The following MAPK10 variants were observed in gnomAD, a reference collection of about 807,000 sequenced individuals.
MAPK10 encodes mitogen-activated protein kinase 10.
A neutral mutation model predicts 59.3 loss-of-function variants in MAPK10; 25 were observed. The observed-to-expected ratio is 0.42, with a 90% CI of 0.31 to 0.59. MAPK10 has a LOEUF of 0.59. MAPK10 is among the 20% of genes least tolerant of loss of function. MAPK10 has a pLI of 0.15. For missense variants in MAPK10, 351 were observed against 568.9 expected, an observed-to-expected ratio of 0.62 and a Z score of 3.90; for synonymous variants, 190 against 200.5, an observed-to-expected ratio of 0.95 and a Z score of 0.44.
intron 1 of MAPK10, among the ~76,000 whole-genome samples, chr4:86,491,151 G>A (rs987449596): frequency 5.9e-5 from 9 of 152,042 alleles, no homozygotes; most frequent in Non-Finnish European, 5.9e-5. Flanking sequence ...AAGTATGGCA[G>A]TCAGAGTAGC....
In MAPK10 at chr4:86,159,427, T is replaced by A; in HGVS notation, c.107A>T (p.His36Leu). The A allele has an allele frequency of 6.2e-7, 1 of 1,612,388 alleles. No homozygotes were observed. Among genetic ancestry groups the A allele is most frequent in the Non-Finnish European group, 8.5e-7 (1 of 1,178,902 alleles). ...AACTTTGCTTTTGCTCATGTTGTAA[T>A]GTTTGGCAATATATGACACATCCAC... ...KQVDVSYIAK[H>L]YNMSKSKVDN... Residue 36 changes from histidine (H) to leucine (L), a missense_variant, in exon 4 of 14, where the codon CAT (histidine) becomes CTT (leucine). By Grantham distance (99) the His-to-Leu change is moderately conservative. Around this residue, in one of 5 missense-constraint regions of MAPK10, gnomAD observed 61 missense variants for 58.4 expected, o/e 1.05. Coordinates refer to ENST00000641462, the MANE Select transcript of MAPK10 (RefSeq NM_138982.4).
chr4:86,189,117 A>T (rs1464311897), intron 3 of MAPK10, among the ~76,000 whole-genome samples: 1 of 152,144 alleles, frequency 6.6e-6, no homozygotes, highest in Non-Finnish European at 1.5e-5. Context: ...TTGTTTTGGT[A>T]CCAGCACCAT....
At chr4:86,185,389 T>A (rs1380114514) in intron 3 of MAPK10, among the ~76,000 whole-genome samples, 2 of 152,004 alleles carry the variant, frequency 1.3e-5, no homozygotes, top group Admixed American at 6.6e-5. Flanking sequence ...GGTTAAGGAG[T>A]GGCCCAAGTG....
chr4:86,524,510 T>A (rs982774831), intron 1 of MAPK10, among the ~76,000 whole-genome samples: 1 of 152,322 alleles, frequency 6.6e-6, no homozygotes, highest in Admixed American at 6.5e-5. Flanking sequence ...CACAATAATT[T>A]CAGTAGTCTC....
At chr4:86,054,366 G>A (rs1011451709) in intron 11 of MAPK10, among the ~76,000 whole-genome samples, 2 of 152,034 alleles carry the variant, frequency 1.3e-5, no homozygotes, top group Non-Finnish European at 2.9e-5. Flanking sequence ...ATAATACATG[G>A]CATCAAAACA....
intron 2 of MAPK10, among the ~76,000 whole-genome samples, chr4:86,242,020 G>C (rs570403126): frequency 2.2e-4 from 34 of 151,846 alleles, no homozygotes; most frequent in Admixed American, 3.9e-4. Flanking sequence ...TTTTTGTGGG[G>C]GTCTTTTTTG....
intron 2 of MAPK10, among the ~76,000 whole-genome samples, chr4:86,249,668 G>A (rs1024066940): frequency 6.6e-6 from 1 of 152,136 alleles, no homozygotes; most frequent in African/African-American, 2.4e-5. Flanking sequence ...CAGTACATGG[G>A]ATATAGTTTT....
intron 1 of MAPK10, among the ~76,000 whole-genome samples, chr4:86,523,859 A>G (rs1440950144): frequency 2.6e-5 from 4 of 152,164 alleles, no homozygotes; most frequent in Non-Finnish European, 5.9e-5. Flanking sequence ...TTCTTTCTCT[A>G]TCTACGCTTG....
At chr4:86,050,276 C>T (rs992390159) in intron 11 of MAPK10, among the ~76,000 whole-genome samples, 3 of 152,168 alleles carry the variant, frequency 2.0e-5, no homozygotes, top group Non-Finnish European at 4.4e-5. Context: ...ATCTTACTTA[C>T]TTACATATTA....
intron 4 of MAPK10, among the ~76,000 whole-genome samples, chr4:86,133,371 TTGTAA>T (rs774348533): frequency 2.8e-4 from 42 of 152,382 alleles, no homozygotes; most frequent in Non-Finnish European, 4.7e-4. Context: ...TTGTGATTTG[TTGTAA>T]TGTATTTATT....
At chr4:86,410,210 T>C (rs1184074004) in intron 1 of MAPK10, among the ~76,000 whole-genome samples, 1 of 152,228 alleles carries the variant, frequency 6.6e-6, no homozygotes, top group Non-Finnish European at 1.5e-5. Flanking sequence ...TGTTTAGTGA[T>C]TTGCATTTGT....
intron 3 of MAPK10, among the ~76,000 whole-genome samples, chr4:86,161,247 T>G (rs1377765262): frequency 6.6e-6 from 1 of 152,066 alleles, no homozygotes; most frequent in Non-Finnish European, 1.5e-5. Context: ...ATAAAAGTTC[T>G]GAAATCAAGA....
chr4:86,079,048 G>A (rs1036766198), intron 9 of MAPK10, among the ~76,000 whole-genome samples: 3 of 151,948 alleles, frequency 2.0e-5, no homozygotes, highest in Non-Finnish European at 4.4e-5. Context: ...ATTTGAAAAT[G>A]TTCTTTTCCT....
At chr4:86,381,509 T>C (rs2149001455) in intron 1 of MAPK10, among the ~76,000 whole-genome samples, 1 of 152,298 alleles carries the variant, frequency 6.6e-6, no homozygotes, top group East Asian at 1.9e-4. Context: ...GACACTCATG[T>C]TAGCTGTCTC....
At chr4:86,388,649 CA>C (rs1253376746) in intron 1 of MAPK10, among the ~76,000 whole-genome samples, 2 of 152,258 alleles carry the variant, frequency 1.3e-5, no homozygotes, top group Admixed American at 1.3e-4. Flanking sequence ...TATTGTATAA[CA>C]AGTTAATTCA....
At chr4:86,209,224 C>G (rs2085091426) in intron 2 of MAPK10, among the ~76,000 whole-genome samples, 1 of 152,132 alleles carries the variant, frequency 6.6e-6, no homozygotes, top group South Asian at 2.1e-4. Flanking sequence ...AGTGAATAAA[C>G]TGAATCTAAA....
At chr4:86,046,450 A>G (rs1023730064) in intron 11 of MAPK10, among the ~76,000 whole-genome samples, 4 of 150,842 alleles carry the variant, frequency 2.7e-5, no homozygotes, top group Non-Finnish European at 4.4e-5. Flanking sequence ...TTTGTCATAA[A>G]TAGCTGTTAT....
chr4:86,197,293 G>T (rs890695520), intron 2 of MAPK10, among the ~76,000 whole-genome samples: 7 of 152,052 alleles, frequency 4.6e-5, no homozygotes, highest in Admixed American at 1.3e-4. Context: ...CTTGTAAGTT[G>T]TCTTCCTAGG....
chr4:86,475,132 T>C (rs1752973960), intron 1 of MAPK10, among the ~76,000 whole-genome samples: 1 of 152,140 alleles, frequency 6.6e-6, no homozygotes, highest in African/African-American at 2.4e-5. Context: ...CTGACTCTCT[T>C]TTCAGACTCA....
Sources: gnomAD v4.1 joint callset for allele counts (sites outside exome capture counted in the v4.1 genomes callset) on GRCh38, gnomAD v4.1.1 for gene constraint, gnomAD v4.1.1 regional missense constraint, MANE v1.5 for transcripts, NCBI Gene and HGNC (gene_info 2026-07-23, HGNC 2026-07-21) for gene names.